The following PALS2 variants were observed in gnomAD, a reference collection of about 807,000 sequenced individuals.
The protein encoded by PALS2 is protein associated with LIN7 2, MAGUK p55 family member.
A neutral mutation model predicts 61.6 loss-of-function variants in PALS2; 27 were observed. That is an observed-to-expected ratio of 0.44 (90% CI 0.32 to 0.60). PALS2 has a LOEUF of 0.60. Ranked by LOEUF, PALS2 falls within the 20% of genes least tolerant of loss-of-function variation. The pLI, the probability that PALS2 is intolerant of heterozygous loss-of-function variation, is 0.05. For synonymous variants in PALS2, 236 were observed against 218.6 expected (o/e 1.08, Z -0.70); for missense variants, 554 against 639.4 (o/e 0.87, Z 1.44).
At chr7:24,683,851 A>C (rs1385687097) in intron 11 of PALS2, among the ~76,000 whole-genome samples, 1 of 152,184 alleles carries the variant, frequency 6.6e-6, no homozygotes, top group African/African-American at 2.4e-5. Flanking sequence ...CAGGATTTTT[A>C]TTTAACTTAT....
intron 2 of PALS2, among the ~76,000 whole-genome samples, chr7:24,637,741 A>G (rs375391776): frequency 1.3e-5 from 2 of 152,158 alleles, no homozygotes; most frequent in Admixed American, 6.5e-5. Flanking sequence ...TGAGTGAAAT[A>G]CCCAGAAGTT....
At chr7:24,685,668 T>TA (rs1192312426) in intron 11 of PALS2, among the ~76,000 whole-genome samples, 48 of 137,142 alleles carry the variant, frequency 3.5e-4, no homozygotes, top group African/African-American at 1.3e-3. Flanking sequence ...TTTTTTTTTT[T>TA]AACAAATCAG....
At chr7:24,579,960 G>A (rs1450798812) in intron 1 of PALS2, among the ~76,000 whole-genome samples, 1 of 152,128 alleles carries the variant, frequency 6.6e-6, no homozygotes. Flanking sequence ...GAATAGGGCA[G>A]CTGGAGATAT....
chr7:24,650,886 ATT>A (rs1451440153), intron 5 of PALS2, among the ~76,000 whole-genome samples, 174 bp downstream of exon 5: 2 of 152,170 alleles, frequency 1.3e-5, no homozygotes, highest in African/African-American at 4.8e-5. Flanking sequence ...AAACAATGCT[ATT>A]TTACTATTGT....
In PALS2 at chr7:24,692,092, C is replaced by T. The variant is rs921111591; in HGVS notation, c.*4478C>T. 4.6e-5 allele frequency: 7 copies of T among 151,824 alleles called. No individual in the cohort carries two copies. The highest frequency in any genetic ancestry group is 3.4e-3 in the Middle Eastern group (1 of 290). The allele number at this position is 151,824 out of a possible 1,614,324, so 9.4% of individuals were successfully genotyped here. On this transcript the variant is annotated 3_prime_UTR_variant, in exon 12 of 12. Coordinates refer to ENST00000222644, the MANE Select transcript of PALS2 (RefSeq NM_001303037.2). The stretch of plus-strand genomic sequence containing the variant: ...ATTTATATTCTTTTTAAAATATTTC[C>T]CATAATTCATCATGCTAGCTTCTGT...
intron 1 of PALS2, among the ~76,000 whole-genome samples, chr7:24,580,299 T>C (rs1225077184): frequency 6.6e-6 from 1 of 152,178 alleles, no homozygotes; most frequent in Non-Finnish European, 1.5e-5. Context: ...GATTCTAATT[T>C]AGTAGGTCTG....
At position 24,689,848 on chromosome 7, in the gene PALS2, T is replaced by G. The variant is rs573399600; in HGVS notation, c.*2234T>G. 6.6e-6 allele frequency: 1 copy of G among 152,328 alleles called. No homozygotes were observed. Among genetic ancestry groups the G allele is most frequent in the East Asian group, 1.9e-4 (1 of 5,180 alleles). The allele number at this position is 152,328 out of a possible 1,614,324, so 9.4% of individuals were successfully genotyped here. On this transcript the variant is annotated 3_prime_UTR_variant, in exon 12 of 12. Transcript: ENST00000222644. ...AAATTTCAGTTCTTCACTCAGGAAA[T>G]GTGCTGTATTCTCTAATGTACTTTC...
At chr7:24,679,504 A>G (rs373400759) in intron 10 of PALS2, among the ~76,000 whole-genome samples, 171 bp downstream of exon 10, 52 of 152,324 alleles carry the variant, frequency 3.4e-4, no homozygotes, top group Middle Eastern at 3.4e-3. Flanking sequence ...AGCTAGTTAA[A>G]TAAATCTCTG....
intron 1 of PALS2, among the ~76,000 whole-genome samples, chr7:24,578,566 C>T (rs771480306): frequency 5.4e-4 from 82 of 152,178 alleles, no homozygotes; most frequent in East Asian, 1.3e-3. Context: ...CTTCTCTGTG[C>T]GTTTGCTTCA....
intron 5 of PALS2, among the ~76,000 whole-genome samples, chr7:24,657,031 A>G (rs934259576): frequency 1.3e-5 from 2 of 152,164 alleles, no homozygotes; most frequent in African/African-American, 4.8e-5. Flanking sequence ...CACTCAGCAT[A>G]GTTGTTTGGA....
intron 1 of PALS2, among the ~76,000 whole-genome samples, chr7:24,585,391 T>C (rs948686645): frequency 6.6e-6 from 1 of 152,184 alleles, no homozygotes; most frequent in African/African-American, 2.4e-5. Context: ...CCCTTGTAAG[T>C]TGGATTCCTA....
intron 1 of PALS2, among the ~76,000 whole-genome samples, chr7:24,598,887 T>C (rs981845378): frequency 5.3e-5 from 8 of 152,226 alleles, no homozygotes; most frequent in Non-Finnish European, 1.0e-4. Context: ...TTCCAACTTA[T>C]TTTTACTGTC....
chr7:24,679,282 T>C lies in PALS2; in HGVS notation c.1266T>C (p.Ile422=). Residue 422 remains isoleucine, a synonymous_variant, in exon 10 of 12, where the codon ATT becomes ATC. Transcript: ENST00000222644. ...TCTATGGAACCAAAATTGATTCTAT[T>C]CTTGAGGTTGTCCAAACTGGACGGA... ...GNLYGTKIDS[I]LEVVQTGRTC... is the part of the protein sequence containing the mutation. 6.2e-7 allele frequency: 1 copy of C among 1,614,112 alleles called. No homozygotes were observed. Among genetic ancestry groups the C allele is most frequent in the Non-Finnish European group, 8.5e-7 (1 of 1,179,958 alleles).
chr7:24,580,866 G>A (rs1263889941), intron 1 of PALS2, among the ~76,000 whole-genome samples: 2 of 152,062 alleles, frequency 1.3e-5, no homozygotes, highest in East Asian at 1.9e-4. Context: ...ATGTTTCAAG[G>A]TCTATGTTAA....
In PALS2 at chr7:24,602,211, C is replaced by T. The variant is rs192756976; in HGVS notation, c.-2-21455C>T. On this transcript the variant is annotated intron_variant, in intron 1 of 11. Transcript: ENST00000222644. ...TTTTCTAAGAGCTCTTTTGTTTCCT[C>T]TGTAACTATCTTATTCTAGTTTCAT... is the stretch of plus-strand genomic sequence containing the variant. Among the ~76,000 whole-genome samples, 290 of 152,180 alleles carry T rather than the reference C, an allele frequency of 1.9e-3. 1 individual carries two copies. The highest frequency in any genetic ancestry group is 6.8e-3 in the African/African-American group (282 of 41,534).
intron 1 of PALS2, among the ~76,000 whole-genome samples, chr7:24,606,121 T>G (rs890991020): frequency 6.6e-6 from 1 of 152,180 alleles, no homozygotes; most frequent in African/African-American, 2.4e-5. Flanking sequence ...CAATAATATC[T>G]TTTAATAACT....
At chr7:24,653,762 A>G (rs1786278978) in intron 5 of PALS2, among the ~76,000 whole-genome samples, 1 of 152,220 alleles carries the variant, frequency 6.6e-6, no homozygotes, top group Non-Finnish European at 1.5e-5. Context: ...TCTGCAAACC[A>G]AGGAATGGTG....
intron 5 of PALS2, 96 bp downstream of exon 5, chr7:24,650,808 A>C: frequency 1.1e-6 from 1 of 893,224 alleles, no homozygotes; most frequent in Non-Finnish European, 1.6e-6. Flanking sequence ...TTGCTAAAGA[A>C]AAGAGAAAAA....
At chr7:24,627,330 A>G (rs1018434676) in intron 2 of PALS2, among the ~76,000 whole-genome samples, 4 of 152,218 alleles carry the variant, frequency 2.6e-5, no homozygotes, top group African/African-American at 7.2e-5. Flanking sequence ...CAAAGACACA[A>G]TGTACCAGAA....
Sources: gnomAD v4.1 joint callset for allele counts (sites outside exome capture counted in the v4.1 genomes callset) on GRCh38, gnomAD v4.1.1 for gene constraint, MANE v1.5 for transcripts, NCBI Gene and HGNC (gene_info 2026-07-23, HGNC 2026-07-21) for gene names.